EDN1: variants seen among roughly 807,000 people sequenced by gnomAD.
The protein encoded by EDN1 is endothelin 1.
EDN1 carries 11 observed loss-of-function variants against 21.7 expected under a neutral mutation model. The ratio of observed to expected loss-of-function variants is 0.51; its 90% CI spans 0.32 to 0.84. The LOEUF (loss-of-function observed/expected upper bound fraction) is 0.84. Ranked by LOEUF, EDN1 falls within the 40% of genes least tolerant of loss-of-function variation. EDN1 has a pLI of 0.03. For synonymous variants in EDN1, 85 were observed against 90.6 expected, an observed-to-expected ratio of 0.94 and a Z score of 0.35; for missense variants, 244 against 262.3, an observed-to-expected ratio of 0.93 and a Z score of 0.48.
At chr6:12,286,699 A>G (rs952458024), upstream of EDN1, among the ~76,000 whole-genome samples, 6 of 152,258 alleles carry the variant, frequency 3.9e-5, no homozygotes, top group South Asian at 6.2e-4. Flanking sequence ...GCTACTGTGT[A>G]GTATCTGTAT....
At chr6:12,231,347 G>A in the EDN1 span, among the ~76,000 whole-genome samples, 257 of 152,248 alleles carry the variant, frequency 1.7e-3, 1 homozygote, top group Non-Finnish European at 2.3e-3. Context: ...TGCTTAACAG[G>A]AAAAGATAAA....
At chr6:12,256,584 T>C in the EDN1 span, among the ~76,000 whole-genome samples, 1 of 152,230 alleles carries the variant, frequency 6.6e-6, no homozygotes, top group Non-Finnish European at 1.5e-5. Flanking sequence ...GCATGTGTCT[T>C]CCCAAGAGGC....
the EDN1 span, among the ~76,000 whole-genome samples, chr6:12,282,719 G>T: frequency 6.6e-6 from 1 of 152,046 alleles, no homozygotes; most frequent in African/African-American, 2.4e-5. Context: ...TCCTTCATTT[G>T]ATCCCATTTT....
the EDN1 span, among the ~76,000 whole-genome samples, chr6:12,231,245 T>G: frequency 1.3e-5 from 2 of 152,314 alleles, no homozygotes; most frequent in South Asian, 4.1e-4. Context: ...CAGGAAGGGC[T>G]CCTGGGAGCC....
At chr6:12,234,813 A>G in the EDN1 span, among the ~76,000 whole-genome samples, 5 of 152,148 alleles carry the variant, frequency 3.3e-5, no homozygotes, top group Non-Finnish European at 7.3e-5. Context: ...GTGTCCATGG[A>G]CCTACTGAGA....
At chr6:12,232,575 CTTTCA>C in the EDN1 span, among the ~76,000 whole-genome samples, 3 of 152,126 alleles carry the variant, frequency 2.0e-5, no homozygotes, top group African/African-American at 7.2e-5. Context: ...TCAAACTCAT[CTTTCA>C]TTTCCTCTGC....
chr6:12,245,882 G>C, the EDN1 span, among the ~76,000 whole-genome samples: 3 of 152,182 alleles, frequency 2.0e-5, no homozygotes, highest in Non-Finnish European at 4.4e-5. Context: ...CTCTTGTCTT[G>C]TTAAAGCAGA....
chr6:12,287,104 G>C (rs778133499), upstream of EDN1, among the ~76,000 whole-genome samples: 4 of 147,544 alleles, frequency 2.7e-5, no homozygotes, highest in Non-Finnish European at 4.5e-5. Flanking sequence ...GAGACAGAGT[G>C]AGACCCTGTC....
At chr6:12,247,200 C>T in the EDN1 span, among the ~76,000 whole-genome samples, 1 of 152,156 alleles carries the variant, frequency 6.6e-6, no homozygotes, top group Admixed American at 6.6e-5. Flanking sequence ...TTCCAGGCCA[C>T]AGCATCTACT....
upstream of EDN1, among the ~76,000 whole-genome samples, chr6:12,287,263 T>TC (rs1762571144): frequency 4.6e-5 from 7 of 151,158 alleles, no homozygotes; most frequent in South Asian, 1.3e-3. Flanking sequence ...AGGAGCATTT[T>TC]CCCCCTGCAG....
chr6:12,255,717 T>C, the EDN1 span, among the ~76,000 whole-genome samples: 1 of 152,256 alleles, frequency 6.6e-6, no homozygotes, highest in African/African-American at 2.4e-5. Flanking sequence ...CATGTAATCA[T>C]TAATGATTGG....
the EDN1 span, among the ~76,000 whole-genome samples, chr6:12,266,582 G>A: frequency 6.6e-6 from 1 of 152,198 alleles, no homozygotes; most frequent in African/African-American, 2.4e-5. Flanking sequence ...GCTAAGGTGG[G>A]AACCCATGGT....
the EDN1 span, among the ~76,000 whole-genome samples, chr6:12,241,239 C>T: frequency 6.7e-6 from 1 of 149,988 alleles, no homozygotes; most frequent in Non-Finnish European, 1.5e-5. Flanking sequence ...GATCTTGGCT[C>T]ACCGCAACCT....
At chr6:12,239,973 G>A in the EDN1 span, among the ~76,000 whole-genome samples, 1 of 152,158 alleles carries the variant, frequency 6.6e-6, no homozygotes, top group Admixed American at 6.5e-5. Flanking sequence ...TGTAGGTTGA[G>A]TGAGAGAGAG....
the EDN1 span, among the ~76,000 whole-genome samples, chr6:12,239,832 C>T: frequency 2.0e-5 from 3 of 151,930 alleles, no homozygotes; most frequent in African/African-American, 7.3e-5. Context: ...TCACTTGAGC[C>T]CAGAAGGCAG....
chr6:12,281,072 T>C, the EDN1 span, among the ~76,000 whole-genome samples: 1 of 152,236 alleles, frequency 6.6e-6, no homozygotes, highest in Non-Finnish European at 1.5e-5. Context: ...CAGCTGGAAT[T>C]AGGAAGAGCT....
chr6:12,266,748 C>A, the EDN1 span, among the ~76,000 whole-genome samples: 4 of 151,946 alleles, frequency 2.6e-5, no homozygotes, highest in Admixed American at 1.3e-4. Context: ...TTCAGGCCTG[C>A]AGAAAGTTTG....
chr6:12,296,312 T>G lies in EDN1; in HGVS notation c.*245T>G, dbSNP rs578133364. 132 of 469,630 alleles carry G rather than the reference T, an allele frequency of 2.8e-4. 1 individual carries two copies. Among genetic ancestry groups the G allele is most frequent in the South Asian group, 2.7e-3 (129 of 47,506 alleles). The allele number at this position is 469,630 out of a possible 1,614,324, so 29.1% of individuals were successfully genotyped here. ...TTTCATCTGGGGATGACAATGGACC[T>G]CTCAGCAGAAACACACAGTCACATT... On this transcript the variant is annotated 3_prime_UTR_variant, in exon 5 of 5. Transcript: ENST00000379375.
In EDN1 at chr6:12,290,659, G is replaced by A; in HGVS notation, c.30G>A (p.Leu10=). Residue 10 remains leucine (L), a synonymous_variant, in exon 1 of 5, where the codon CTG becomes CTA. Coordinates refer to ENST00000379375, the MANE Select transcript of EDN1 (RefSeq NM_001955.5). ...ATTATTTGCTCATGATTTTCTCTCT[G>A]CTGTTTGTGGCTTGCCAAGGAGCTC... The part of the protein sequence containing the change: MDYLLMIFS[L]LFVACQGAPE... 1 of 1,614,150 alleles carries A rather than the reference G, an allele frequency of 6.2e-7. No homozygotes were observed. Among genetic ancestry groups the A allele is most frequent in the Non-Finnish European group, 8.5e-7 (1 of 1,180,018 alleles).
Sources: allele counts gnomAD v4.1 joint callset (sites outside exome capture counted in the v4.1 genomes callset), GRCh38; gene constraint gnomAD v4.1.1; transcripts MANE v1.5; gene names NCBI Gene and HGNC (gene_info 2026-07-23, HGNC 2026-07-21).